NAGS: variants seen among roughly 807,000 people sequenced by gnomAD.
NAGS encodes N-acetylglutamate synthase.
Under a neutral mutation model 46.9 loss-of-function variants are expected in NAGS, and 34 were observed. That is an observed-to-expected ratio of 0.72 (90% confidence interval 0.55 to 0.97). The LOEUF (loss-of-function observed/expected upper bound fraction) is 0.97, where lower values mean the gene tolerates loss of function less well. Among genes scored for constraint, NAGS ranks in the 50% least tolerant of loss-of-function variants. The pLI, the probability that NAGS is intolerant of heterozygous loss-of-function variation, is 0.00. For missense variants in NAGS, 665 were observed against 747.0 expected (o/e 0.89, Z 1.28); for synonymous variants, 334 against 346.3 (o/e 0.96, Z 0.39).
In NAGS at chr17:44,004,859, G is replaced by C; in HGVS notation, c.196G>C (p.Ala66Pro). 2.0e-6 allele frequency: 3 copies of C among 1,529,136 alleles called. No homozygotes were observed. Among genetic ancestry groups the C allele is most frequent in the Non-Finnish European group, 2.6e-6 (3 of 1,144,232 alleles). 94.7% of individuals were successfully genotyped at this position (1,529,136 alleles called of 1,614,324 possible). Residue 66 changes from alanine (A) to proline (P), a missense_variant, in exon 1 of 7, where the codon GCG becomes CCG. Coordinates refer to ENST00000293404, the MANE Select transcript of NAGS (RefSeq NM_153006.3). ...PQPPPEEYAG[A>P]DDVSQSPVAE... ...GCCCCCGCCCGAGGAGTACGCGGGC[G>C]CGGACGACGTCTCCCAGTCGCCCGT...
chr17:44,005,105 C>T lies in NAGS; in HGVS notation c.426+16C>T, dbSNP rs938679666. ...CGTCATCGAGGTGAGCGGAGCCCGG[C>T]GTGGGCCGTGACGCAGCGAGGGGAT... is the stretch of plus-strand genomic sequence containing the variant. On this transcript the variant is annotated intron_variant, in intron 1 of 6. Coordinates refer to ENST00000293404, the MANE Select transcript of NAGS (RefSeq NM_153006.3). This position sits in a 1 kb window ranked among gnomAD's most constrained non-coding sequence, Gnocchi z 7.2. 19 of 1,558,062 alleles carry T rather than the reference C, an allele frequency of 1.2e-5. No homozygotes were observed. Among genetic ancestry groups the T allele is most frequent in the Non-Finnish European group, 1.6e-5 (19 of 1,155,422 alleles).
In NAGS at chr17:44,006,007, C is replaced by T. The variant is rs1461833007; in HGVS notation, c.702-17C>T. 1.9e-6 allele frequency: 3 copies of T among 1,587,394 alleles called. No individual in the cohort carries two copies. In the Admixed American group the frequency reaches 5.3e-5, roughly 28 times the overall value. On this transcript the variant is annotated splice_polypyrimidine_tract_variant and intron_variant, in intron 2 of 6. Transcript: ENST00000293404. This position sits in a 1 kb window ranked among gnomAD's most constrained non-coding sequence, Gnocchi z 4.8. ...GGCCTGGAGGGGGCCCTCTCGAGCA[C>T]CACGTCTGGCCCACAGCTACGGCGG...
At position 44,007,339 on chromosome 17, in the gene NAGS, C is replaced by A. The variant is rs755872617; in HGVS notation, c.1113C>A (p.Phe371Leu). The change falls in exon 5 of 7, where the codon TTC becomes TTA. Residue 371 changes from phenylalanine (F) to leucine (L), a missense_variant. By Grantham distance (22) the Phe-to-Leu change is conservative. Coordinates refer to ENST00000293404, the MANE Select transcript of NAGS (RefSeq NM_153006.3). This position sits in a 1 kb window ranked among gnomAD's most constrained non-coding sequence, Gnocchi z 5.1. Reference protein sequence around the residue: ...LFSNKGSGTLFKNAERMLRVR... With the variant: ...LFSNKGSGTLLKNAERMLRVR... ...CTCCTCCAGGGTCCGGGACCCTGTTCAAGAACGCCGAGCGAATGCTACGGG... is the reference window on the plus strand; with the variant it reads ...CTCCTCCAGGGTCCGGGACCCTGTTAAAGAACGCCGAGCGAATGCTACGGG... 45 of 1,613,760 alleles carry A rather than the reference C, an allele frequency of 2.8e-5. No homozygotes were observed. Among genetic ancestry groups the A allele is most frequent in the Middle Eastern group, 1.6e-4 (1 of 6,076 alleles).
rs113134544 is a variant in NAGS, at chr17:44,004,845, A to T, written c.182A>T (p.Glu61Val). 6.6e-7 allele frequency: 1 copy of T among 1,521,876 alleles called. No individual in the cohort carries two copies. Among genetic ancestry groups the T allele is most frequent in the Admixed American group, 2.0e-5 (1 of 50,364 alleles). The allele number at this position is 1,521,876 out of a possible 1,614,324, so 94.3% of individuals were successfully genotyped here. ...TAWSQPQPPPEEYAGADDVSQ... is the reference protein window; with the variant it reads ...TAWSQPQPPPVEYAGADDVSQ... ...TGGTCGCAGCCCCAGCCCCCGCCCG[A>T]GGAGTACGCGGGCGCGGACGACGTC... The change falls in exon 1 of 7, where the codon GAG becomes GTG. Residue 61 changes from glutamate to valine, a missense_variant. By Grantham distance (121) the Glu-to-Val change is moderately radical (BLOSUM62 -2). Coordinates refer to ENST00000293404, the MANE Select transcript of NAGS (RefSeq NM_153006.3).
Position 44,007,690 on chromosome 17 carries a change from C to T in NAGS, c.1368C>T (p.Ser456=), listed in dbSNP as rs147700427. 11 of 1,604,720 alleles carry T rather than the reference C, an allele frequency of 6.9e-6. No homozygotes were observed. The highest frequency in any genetic ancestry group is 2.7e-5 in the African/African-American group (2 of 74,802). The part of the protein sequence containing the change: ...VVSSSRQGQG[S]GQMLWECLRR... Reference sequence around the variant, plus strand: ...GCTCCAGCCGCCAGGGCCAAGGCTCCGGCCAGATGCTGTGGGAGTGCCTGC... The same window carrying T: ...GCTCCAGCCGCCAGGGCCAAGGCTCTGGCCAGATGCTGTGGGAGTGCCTGC... Residue 456 remains serine, a synonymous_variant, in exon 6 of 7, where the codon TCC becomes TCT. Coordinates refer to ENST00000293404, the MANE Select transcript of NAGS (RefSeq NM_153006.3). The surrounding 1 kb of genome is among the most constrained non-coding windows in gnomAD (Gnocchi z 5.1).
chr17:44,007,489 C>T lies in NAGS; in HGVS notation c.1263C>T (p.Ser421=), dbSNP rs748046278. The change falls in exon 5 of 7, where the codon TCC becomes TCT. Residue 421 remains serine, a synonymous_variant. Coordinates refer to ENST00000293404, the MANE Select transcript of NAGS (RefSeq NM_153006.3). This position sits in a 1 kb window ranked among gnomAD's most constrained non-coding sequence, Gnocchi z 5.1. ...LRPRLHSIYV[S]EGYNAAAILT... ...CGCGGCTGCACTCCATCTACGTCTC[C>T]GAGGGGTAAGCCTGCGGACCCCAGA... 30 of 1,613,672 alleles carry T rather than the reference C, an allele frequency of 1.9e-5. No individual in the cohort carries two copies. The highest frequency in any genetic ancestry group is 2.5e-5 in the Non-Finnish European group (29 of 1,179,946).
At position 44,008,537 on chromosome 17, in the gene NAGS, T is replaced by TG. The variant is rs1368496461; in HGVS notation, c.1543dup (p.Val515GlyfsTer17). The TG allele has an allele frequency of 6.2e-7, 1 of 1,614,144 alleles. No homozygotes were observed. Among genetic ancestry groups the TG allele is most frequent in the Non-Finnish European group, 8.5e-7 (1 of 1,180,042 alleles). On this transcript the variant is annotated frameshift_variant, in exon 7 of 7. Transcript: ENST00000293404. LOFTEE classifies it high-confidence loss of function. ...GCTGATATCCGGGACTCCTATGAGT[T>TG]GGTCAACCACGCCAAGGGACTGCCA...
At position 44,008,658 on chromosome 17, in the gene NAGS, C is replaced by T; in HGVS notation, c.*57C>T. ...GGCCAGGGTGGACCAAAAGCCATGC[C>T]AGCTGGGCATGACCCCAGGCAGCCA... is the stretch of plus-strand genomic sequence containing the variant. On this transcript the variant is annotated 3_prime_UTR_variant, in exon 7 of 7. Transcript: ENST00000293404. The T allele has an allele frequency of 3.1e-6, 5 of 1,609,740 alleles. No homozygotes were observed. Among genetic ancestry groups the T allele is most frequent in the Non-Finnish European group, 4.2e-6 (5 of 1,177,628 alleles).
chr17:44,007,397 C>G lies in NAGS; in HGVS notation c.1171C>G (p.Leu391Val), dbSNP rs537949245. The change falls in exon 5 of 7, where the codon CTA becomes GTA. Residue 391 changes from leucine to valine, a missense_variant. Physicochemically the swap from Leu to Val is conservative, Grantham distance 32. Transcript: ENST00000293404. The surrounding 1 kb of genome is among the most constrained non-coding windows in gnomAD (Gnocchi z 5.1). ...RSLDKLDQGR[L>V]VDLVNASFGK... ...CCTGGACAAGCTGGACCAGGGCCGTCTAGTGGACCTGGTCAACGCCAGCTT... is the reference window on the plus strand; with the variant it reads ...CCTGGACAAGCTGGACCAGGGCCGTGTAGTGGACCTGGTCAACGCCAGCTT... 161 of 1,613,772 alleles carry G rather than the reference C, an allele frequency of 1.0e-4. No individual in the cohort carries two copies. Among genetic ancestry groups the G allele is most frequent in the Non-Finnish European group, 1.3e-4 (155 of 1,179,998 alleles).
rs758320949 is a variant in NAGS, at chr17:44,007,597, C to T, written c.1275C>T (p.Asn425=). The change falls in exon 6 of 7, where the codon AAC becomes AAT. Residue 425 remains asparagine (N), a synonymous_variant. Coordinates refer to ENST00000293404, the MANE Select transcript of NAGS (RefSeq NM_153006.3). This position sits in a 1 kb window ranked among gnomAD's most constrained non-coding sequence, Gnocchi z 5.1. The part of the protein sequence containing the change: ...LHSIYVSEGY[N]AAAILTMEPV... ...CGCTCTCCCGCTGCGCCAGGTACAA[C>T]GCCGCCGCCATTCTGACCATGGAGC... 6.2e-6 allele frequency: 10 copies of T among 1,609,060 alleles called. No individual in the cohort carries two copies. The Admixed American group carries it at 6.8e-5, about 11-fold the overall frequency.
At position 44,006,042 on chromosome 17, in the gene NAGS, G is replaced by T. The variant is rs755572907; in HGVS notation, c.720G>T (p.Ser240=). 1.2e-6 allele frequency: 2 copies of T among 1,605,190 alleles called. No individual in the cohort carries two copies. The change falls in exon 3 of 7, where the codon TCG becomes TCT. Residue 240 remains serine (S), a synonymous_variant. Transcript: ENST00000293404. This position sits in a 1 kb window ranked among gnomAD's most constrained non-coding sequence, Gnocchi z 4.8. ...CCCACAGCTACGGCGGCATCGTCTC[G>T]GTGGAGACAGACCTGCTGCAGTGGT... The part of the protein sequence containing the change: ...APHASYGGIV[S]VETDLLQWCL...
rs1241660776 is a variant in NAGS at position 44,004,941 on chromosome 17, C to CA, written c.279dup (p.Glu94ArgfsTer202). On this transcript the variant is annotated frameshift_variant, in exon 1 of 7. Coordinates refer to ENST00000293404, the MANE Select transcript of NAGS (RefSeq NM_153006.3). LOFTEE classifies it high-confidence loss of function. The stretch of plus-strand genomic sequence containing the variant: ...AGGCCCCCGGTGCCCCACGAGTCCC[C>CA]AGAGCCTCCTTCGGGCCGCTCGCTG... The CA allele has an allele frequency of 6.5e-7, 1 of 1,536,778 alleles. No individual in the cohort carries two copies. The highest frequency in any genetic ancestry group is 8.7e-7 in the Non-Finnish European group (1 of 1,147,188).
At position 44,007,893 on chromosome 17, in the gene NAGS, C is replaced by T. The variant is rs1485998837; in HGVS notation, c.1451+120C>T. ...CTTCCACTGGTCTCCCTTTCACTAC[C>T]TCCCAGGGGCAGAACACACAGAAAG... is the stretch of plus-strand genomic sequence containing the variant. On this transcript the variant is annotated intron_variant, in intron 6 of 6. Coordinates refer to ENST00000293404, the MANE Select transcript of NAGS (RefSeq NM_153006.3). The surrounding 1 kb of genome is among the most constrained non-coding windows in gnomAD (Gnocchi z 5.1). 3 of 1,007,802 alleles carry T rather than the reference C, an allele frequency of 3.0e-6. No homozygotes were observed. The highest frequency in any genetic ancestry group is 2.8e-5 in the South Asian group (2 of 71,000). 62.4% of individuals were successfully genotyped at this position (1,007,802 alleles called of 1,614,324 possible).
chr17:44,006,464 C>A lies in NAGS; in HGVS notation c.916-65C>A. 2 of 1,540,386 alleles carry A rather than the reference C, an allele frequency of 1.3e-6. No individual in the cohort carries two copies. The highest frequency in any genetic ancestry group is 1.8e-6 in the Non-Finnish European group (2 of 1,141,304). On this transcript the variant is annotated intron_variant, in intron 3 of 6. Transcript: ENST00000293404. This position sits in a 1 kb window ranked among gnomAD's most constrained non-coding sequence, Gnocchi z 4.8. ...AAAGGGGTCAGAGAAAAGAGAGGTCCGTGGGGGTAGGGGGGCAGTCCGTGC... is the reference window on the plus strand; with the variant it reads ...AAAGGGGTCAGAGAAAAGAGAGGTCAGTGGGGGTAGGGGGGCAGTCCGTGC...
chr17:44,006,962 C>G lies in NAGS; in HGVS notation c.1096+253C>G. The G allele has an allele frequency of 2.1e-6, 1 of 485,944 alleles. No individual in the cohort carries two copies. Among genetic ancestry groups the G allele is most frequent in the Non-Finnish European group, 3.5e-6 (1 of 283,840 alleles). The allele number at this position is 485,944 out of a possible 1,614,324, so 30.1% of individuals were successfully genotyped here. The stretch of plus-strand genomic sequence containing the variant: ...GACTAGGGGGGAGAAGGAGGGGCCC[C>G]CCGGTGGGCGGGGCCAGGGGCGGGA... On this transcript the variant is annotated intron_variant, in intron 4 of 6. Transcript: ENST00000293404. The surrounding 1 kb of genome is among the most constrained non-coding windows in gnomAD (Gnocchi z 4.8).
In NAGS at chr17:44,007,561, T is replaced by C; in HGVS notation, c.1269-30T>C. 1 of 1,610,144 alleles carries C rather than the reference T, an allele frequency of 6.2e-7. No homozygotes were observed. Among genetic ancestry groups the C allele is most frequent in the Non-Finnish European group, 8.5e-7 (1 of 1,178,844 alleles). Reference sequence around the variant, plus strand: ...CGGGCAGCTTCGGACCAAGGAGAGGTCCCAGCCTGCCGCTCTCCCGCTGCG... The same window carrying C: ...CGGGCAGCTTCGGACCAAGGAGAGGCCCCAGCCTGCCGCTCTCCCGCTGCG... On this transcript the variant is annotated intron_variant, in intron 5 of 6. Transcript: ENST00000293404. This position sits in a 1 kb window ranked among gnomAD's most constrained non-coding sequence, Gnocchi z 5.1.
chr17:44,006,367 G>C lies in NAGS; in HGVS notation c.915+130G>C. 1 of 1,450,636 alleles carries C rather than the reference G, an allele frequency of 6.9e-7. No individual in the cohort carries two copies. The highest frequency in any genetic ancestry group is 9.4e-7 in the Non-Finnish European group (1 of 1,058,744). 89.9% of individuals were successfully genotyped at this position (1,450,636 alleles called of 1,614,324 possible). A position where few individuals can be genotyped will look rare whatever the true frequency, so the allele number is the denominator to read the frequency against. On this transcript the variant is annotated intron_variant, in intron 3 of 6. Transcript: ENST00000293404. The surrounding 1 kb of genome is among the most constrained non-coding windows in gnomAD (Gnocchi z 4.8). ...GGGTAGAAAAGCCTAAGGGAGTATA[G>C]GGGAGGAGTTCAGCCCTGGGTGCCC...
Position 44,007,743 on chromosome 17 carries a change from G to A in NAGS, c.1421G>A (p.Arg474His). 1.3e-6 allele frequency: 2 copies of A among 1,589,550 alleles called. No homozygotes were observed. Among genetic ancestry groups the A allele is most frequent in the African/African-American group, 1.3e-5 (1 of 74,142 alleles). Residue 474 changes from arginine to histidine, a missense_variant, in exon 6 of 7, where the codon CGC (arginine) becomes CAC (histidine). Arg to His is a conservative substitution (Grantham distance 29, BLOSUM62 0). Transcript: ENST00000293404. The surrounding 1 kb of genome is among the most constrained non-coding windows in gnomAD (Gnocchi z 5.1). ...CGGGACCTTCAGACACTTTTCTGGCGCTCCCGGGTCACCAACCCCATCAAT... is the reference window on the plus strand; with the variant it reads ...CGGGACCTTCAGACACTTTTCTGGCACTCCCGGGTCACCAACCCCATCAAT... ...LRRDLQTLFWRSRVTNPINPW... is the reference protein window; with the variant it reads ...LRRDLQTLFWHSRVTNPINPW...
In NAGS at chr17:44,007,985, C is replaced by T. The variant is rs942818161; in HGVS notation, c.1451+212C>T. On this transcript the variant is annotated intron_variant, in intron 6 of 6. Coordinates refer to ENST00000293404, the MANE Select transcript of NAGS (RefSeq NM_153006.3). This position sits in a 1 kb window ranked among gnomAD's most constrained non-coding sequence, Gnocchi z 5.1. Reference sequence around the variant, plus strand: ...CTGGCAGCAAGTGACACCTCCTAAGCCCCACGCAGCCCACCTCTCACAGGG... The same window carrying T: ...CTGGCAGCAAGTGACACCTCCTAAGTCCCACGCAGCCCACCTCTCACAGGG... Among the ~76,000 whole-genome samples the T allele has an allele frequency of 6.6e-6, 1 of 152,112 alleles. No homozygotes were observed. Among genetic ancestry groups the T allele is most frequent in the Admixed American group, 6.5e-5 (1 of 15,278 alleles).
Sources: allele counts gnomAD v4.1 joint callset (sites outside exome capture counted in the v4.1 genomes callset), GRCh38; gene constraint gnomAD v4.1.1; non-coding constraint Gnocchi (gnomAD v3.1); transcripts MANE v1.5; gene names NCBI Gene and HGNC (gene_info 2026-07-23, HGNC 2026-07-21).